RASSF3: variants seen among roughly 807,000 people sequenced by gnomAD.
The protein encoded by RASSF3 is Ras association domain family member 3.
In RASSF3, 19 loss-of-function variants were observed where a neutral mutation model predicts 19.9. The ratio of observed to expected loss-of-function variants is 0.96; its 90% CI spans 0.67 to 1.40. The LOEUF is 1.40. Ranked by LOEUF, RASSF3 falls within the 40% of genes most tolerant of loss-of-function variation. The pLI, the probability that RASSF3 is intolerant of heterozygous loss-of-function variation, is 0.00. For missense variants in RASSF3, 306 were observed against 289.8 expected, an observed-to-expected ratio of 1.06 and a Z score of -0.41; for synonymous variants, 110 against 104.2, an observed-to-expected ratio of 1.06 and a Z score of -0.34.
chr12:64,645,811 ATG>A (rs1166678601), intron 1 of RASSF3, among the ~76,000 whole-genome samples: 3 of 152,198 alleles, frequency 2.0e-5, no homozygotes, highest in Admixed American at 6.5e-5. Context: ...ATGAGTCTCT[ATG>A]TTTAACTACC....
chr12:64,560,471 T>G (rs1869329039), intron 2 of RASSF3, among the ~76,000 whole-genome samples: 1 of 152,172 alleles, frequency 6.6e-6, no homozygotes, highest in East Asian at 1.9e-4. Context: ...CCCACAACCA[T>G]AGCTCTCCAA....
chr12:64,603,950 C>T (rs188534398), intron 2 of RASSF3, among the ~76,000 whole-genome samples: 12 of 152,064 alleles, frequency 7.9e-5, no homozygotes, highest in Admixed American at 6.6e-4. Context: ...TGGGTTCAAG[C>T]GATTCTCCTG....
intron 1 of RASSF3, among the ~76,000 whole-genome samples, chr12:64,675,689 C>T (rs565166173): frequency 3.2e-4 from 49 of 152,212 alleles, no homozygotes; most frequent in African/African-American, 1.2e-3. Context: ...ACTTTTCCTA[C>T]CCTGAGATAA....
chr12:64,608,329 T>A (rs1870229407), upstream of RASSF3, among the ~76,000 whole-genome samples: 2 of 152,296 alleles, frequency 1.3e-5, no homozygotes, highest in South Asian at 4.1e-4. Context: ...GTTTATTTAT[T>A]TATTTATTGA....
chr12:64,650,691 A>G (rs866501746), intron 1 of RASSF3, among the ~76,000 whole-genome samples: 18 of 152,148 alleles, frequency 1.2e-4, no homozygotes, highest in African/African-American at 4.1e-4. Context: ...CTGGGATTAC[A>G]GGCGTGAGCC....
At chr12:64,558,262 C>T (rs1253077970) in intron 2 of RASSF3, among the ~76,000 whole-genome samples, 1 of 152,232 alleles carries the variant, frequency 6.6e-6, no homozygotes, top group Non-Finnish European at 1.5e-5. Context: ...CTGCTCCATT[C>T]ATGTGCCCAT....
intron 2 of RASSF3, among the ~76,000 whole-genome samples, chr12:64,562,522 A>G (rs1869365318): frequency 6.6e-6 from 1 of 151,760 alleles, no homozygotes; most frequent in East Asian, 1.9e-4. Context: ...CCATGTCTCT[A>G]CCCCCATCTT....
chr12:64,601,867 C>T (rs1870097034), intron 2 of RASSF3, among the ~76,000 whole-genome samples: 1 of 151,884 alleles, frequency 6.6e-6, no homozygotes, highest in South Asian at 2.1e-4. Context: ...CCTGTAATCC[C>T]CGCACTTTGG....
At chr12:64,595,054 C>T (rs1486157734) in intron 2 of RASSF3, among the ~76,000 whole-genome samples, 3 of 139,120 alleles carry the variant, frequency 2.2e-5, no homozygotes, top group Non-Finnish European at 4.7e-5. Context: ...GATGACTTTT[C>T]ATATGAAATC....
chr12:64,686,480 G>A (rs1239250991), intron 2 of RASSF3, among the ~76,000 whole-genome samples: 1 of 152,154 alleles, frequency 6.6e-6, no homozygotes, highest in South Asian at 2.1e-4. Context: ...GCGTGGTGGC[G>A]GGCGCCTGTA....
chr12:64,543,025 CCCCGCACTTGGAGTGGCGGG>C (rs1342050910), downstream of RASSF3, among the ~76,000 whole-genome samples: 38 of 65,836 alleles, frequency 5.8e-4, 3 homozygotes, highest in East Asian at 6.6e-3. Context: ...GAGTGGCGGG[CCCCGCACTTGGAGTGGCGGG>C]CCCCGCACTT....
chr12:64,587,870 G>A (rs1869841710), intron 2 of RASSF3, among the ~76,000 whole-genome samples: 1 of 152,096 alleles, frequency 6.6e-6, no homozygotes. Flanking sequence ...CTCAACCCAC[G>A]ATTTTTTCCA....
chr12:64,677,409 AG>A (rs1173772955), intron 1 of RASSF3, among the ~76,000 whole-genome samples: 1 of 152,122 alleles, frequency 6.6e-6, no homozygotes, highest in African/African-American at 2.4e-5. Flanking sequence ...AATTTTTTGT[AG>A]GTGCATACCA....
intron 1 of RASSF3, among the ~76,000 whole-genome samples, chr12:64,658,058 A>C (rs1219232075): frequency 6.6e-6 from 1 of 152,180 alleles, no homozygotes; most frequent in Admixed American, 6.5e-5. Context: ...TCTCTAAAAA[A>C]TAAATAAATT....
At chr12:64,546,508 G>C (rs540431640), downstream of RASSF3, among the ~76,000 whole-genome samples, 1 of 152,274 alleles carries the variant, frequency 6.6e-6, no homozygotes, top group Admixed American at 6.5e-5. Context: ...CTGACCTCGT[G>C]ATACACCCGC....
rs566100850 is a variant in RASSF3 at position 64,625,889 on chromosome 12, C to A, written c.111+15146C>A. ...TGAGTCATGTGATCTGCTTGGCCGA[C>A]TCTTCAGAGTTCGTTTGTACTCAGT... On this transcript the variant is annotated intron_variant, in intron 1 of 4. Coordinates refer to ENST00000542104, the MANE Select transcript of RASSF3 (RefSeq NM_178169.4). Among the ~76,000 whole-genome samples, 3 of 152,278 alleles carry A rather than the reference C, an allele frequency of 2.0e-5. No individual in the cohort carries two copies. In the East Asian group the frequency reaches 5.8e-4, roughly 29 times the overall value.
chr12:64,583,907 A>G (rs564794594), intron 2 of RASSF3, among the ~76,000 whole-genome samples: 5 of 152,310 alleles, frequency 3.3e-5, no homozygotes, highest in African/African-American at 1.2e-4. Context: ...TTTCTGATAA[A>G]CGTACATTTT....
intron 3 of RASSF3, among the ~76,000 whole-genome samples, chr12:64,690,913 C>T (rs190104057): frequency 1.3e-5 from 2 of 151,826 alleles, no homozygotes; most frequent in African/African-American, 2.4e-5. Context: ...CAGGCAGGAG[C>T]GCAATGGCAC....
chr12:64,584,945 G>A (rs1869769964), intron 2 of RASSF3, among the ~76,000 whole-genome samples: 2 of 144,572 alleles, frequency 1.4e-5, no homozygotes, highest in Non-Finnish European at 3.0e-5. Context: ...GAGTGCCGTG[G>A]CATGATCTTG....
Sources: gnomAD v4.1 joint callset for allele counts (sites outside exome capture counted in the v4.1 genomes callset) on GRCh38, gnomAD v4.1.1 for gene constraint, MANE v1.5 for transcripts, NCBI Gene and HGNC (gene_info 2026-07-23, HGNC 2026-07-21) for gene names.